TEX14: variants seen among roughly 807,000 people sequenced by gnomAD.
TEX14 encodes the protein testis expressed 14, intercellular bridge forming factor, also known as inactive serine/threonine-protein kinase TEX14.
Under a neutral mutation model 178.6 loss-of-function variants are expected in TEX14, and 168 were observed. That is an observed-to-expected ratio of 0.94 (90% CI 0.83 to 1.07). The LOEUF is 1.07. Ranked by LOEUF, TEX14 falls within the 50% of genes least tolerant of loss-of-function variation. TEX14 has a pLI of 0.00. For missense variants in TEX14, 1,730 were observed against 1,753.6 expected (o/e 0.99, Z 0.24); for synonymous variants, 626 against 634.1 (o/e 0.99, Z 0.19).
intron 1 of TEX14, among the ~76,000 whole-genome samples, chr17:58,655,262 C>T (rs1258909050): frequency 6.6e-6 from 1 of 152,058 alleles, no homozygotes; most frequent in Admixed American, 6.6e-5. Context: ...CAGCTCACCA[C>T]AACCTCCGCC....
chr17:58,659,419 A>G (rs779761251), intron 1 of TEX14: 2 of 640,180 alleles, frequency 3.1e-6, no homozygotes, highest in Non-Finnish European at 3.9e-6. Flanking sequence ...GCTTCTTCGT[A>G]TGACACATCT....
rs147441286 is a variant in TEX14 at position 58,631,780 on chromosome 17, T to G, written c.137-1226A>C. ...CTCGCGGTTTCCAGCGTTCTACACGTTCAGATATACTCCTCGAGAAACACA... is the reference window on the plus strand; with the variant it reads ...CTCGCGGTTTCCAGCGTTCTACACGGTCAGATATACTCCTCGAGAAACACA... On this transcript the variant is annotated intron_variant, in intron 2 of 31. Coordinates refer to ENST00000349033, the MANE Select transcript of TEX14 (RefSeq NM_031272.5). 7 of 152,242 alleles carry G rather than the reference T, an allele frequency of 4.6e-5. No homozygotes were observed. In the East Asian group the frequency reaches 5.8e-4, roughly 13 times the overall value. The allele number at this position is 152,242 out of a possible 1,614,324, so 9.4% of individuals were successfully genotyped here.
chr17:58,587,956 G>A lies in TEX14; in HGVS notation c.2642C>T (p.Thr881Ile), dbSNP rs1278032093. 2 of 1,612,020 alleles carry A rather than the reference G, an allele frequency of 1.2e-6. No individual in the cohort carries two copies. Among genetic ancestry groups the A allele is most frequent in the Non-Finnish European group, 1.7e-6 (2 of 1,178,198 alleles). ...KATQFNSALFTLSSHRQGPSA... is the reference protein window; with the variant it reads ...KATQFNSALFILSSHRQGPSA... Reference sequence around the variant, plus strand: ...AGGTCCCTGCCGGTGGCTTGACAGAGTGAAGAGTGCACTATTAAACTGTGT... The same window carrying A: ...AGGTCCCTGCCGGTGGCTTGACAGAATGAAGAGTGCACTATTAAACTGTGT... The change falls in exon 16 of 32, where the codon ACT (threonine) becomes ATT (isoleucine). Residue 881 changes from threonine to isoleucine, a missense_variant. Coordinates refer to ENST00000349033, the MANE Select transcript of TEX14 (RefSeq NM_031272.5).
intron 19 of TEX14, among the ~76,000 whole-genome samples, chr17:58,582,571 T>A (rs2044848884): frequency 6.6e-6 from 1 of 151,430 alleles, no homozygotes; most frequent in African/African-American, 2.4e-5. Context: ...AATTTCTTTT[T>A]TTTTTTTTTT....
At chr17:58,637,095 TG>T in intron 2 of TEX14, among the ~76,000 whole-genome samples, 1 of 150,640 alleles carries the variant, frequency 6.6e-6, no homozygotes, top group African/African-American at 2.4e-5. Flanking sequence ...GGCATGATGG[TG>T]GGCGCCTGTA....
intron 19 of TEX14, among the ~76,000 whole-genome samples, chr17:58,583,181 G>A (rs1275122183): frequency 1.3e-5 from 2 of 151,842 alleles, no homozygotes; most frequent in South Asian, 2.1e-4. Context: ...CCCCCAGGCT[G>A]GAGTGCAGTG....
intron 1 of TEX14, among the ~76,000 whole-genome samples, chr17:58,678,659 C>T (rs1231473185): frequency 6.6e-6 from 1 of 151,862 alleles, no homozygotes; most frequent in East Asian, 1.9e-4. Context: ...GAACATCATA[C>T]ACCAGGGTCT....
At chr17:58,630,377 C>T in intron 3 of TEX14, 63 bp downstream of exon 3, 1 of 1,294,710 alleles carries the variant, frequency 7.7e-7, no homozygotes, top group Non-Finnish European at 1.1e-6. Flanking sequence ...TAATTAGTTT[C>T]TAAACAAACT....
chr17:58,610,175 T>A (rs302846), intron 10 of TEX14, among the ~76,000 whole-genome samples: 45,279 of 152,158 alleles, frequency 0.3, 7,220 homozygotes, highest in Middle Eastern at 0.48. Context: ...TGACTGCCTC[T>A]CTCACTGTGC....
At chr17:58,654,055 G>C (rs941860671) in intron 1 of TEX14, among the ~76,000 whole-genome samples, 17 of 152,168 alleles carry the variant, frequency 1.1e-4, no homozygotes, top group African/African-American at 4.1e-4. Flanking sequence ...GCGGGCGCCT[G>C]TAGTCCCAGC....
intron 14 of TEX14, among the ~76,000 whole-genome samples, chr17:58,594,268 T>TC (rs2045227511): frequency 6.6e-6 from 1 of 151,760 alleles, no homozygotes; most frequent in African/African-American, 2.4e-5. Flanking sequence ...CCTATATGAA[T>TC]ATGAAGACAG....
chr17:58,671,218 T>C (rs534261914), intron 1 of TEX14, among the ~76,000 whole-genome samples: 26 of 152,334 alleles, frequency 1.7e-4, no homozygotes, highest in South Asian at 1.0e-3. Context: ...ATTATTGTAG[T>C]TTCATTTTGA....
chr17:58,661,576 G>A, intron 1 of TEX14: 1 of 734,704 alleles, frequency 1.4e-6, no homozygotes, highest in Non-Finnish European at 2.5e-6. Context: ...GCGGCGGCAG[G>A]AACTCGTCTT....
chr17:58,576,745 C>T (rs1333443540), intron 21 of TEX14, among the ~76,000 whole-genome samples: 1 of 152,132 alleles, frequency 6.6e-6, no homozygotes, highest in Non-Finnish European at 1.5e-5. Context: ...TTTGTCATTT[C>T]AAGAATGTTA....
chr17:58,556,830 G>A lies in TEX14; in HGVS notation c.*181C>T. 1 of 521,692 alleles carries A rather than the reference G, an allele frequency of 1.9e-6. No homozygotes were observed. Among genetic ancestry groups the A allele is most frequent in the Non-Finnish European group, 3.4e-6 (1 of 289,922 alleles). The allele number at this position is 521,692 out of a possible 1,614,324, so 32.3% of individuals were successfully genotyped here. On this transcript the variant is annotated 3_prime_UTR_variant, in exon 32 of 32. Coordinates refer to ENST00000349033, the MANE Select transcript of TEX14 (RefSeq NM_031272.5). The stretch of plus-strand genomic sequence containing the variant: ...TCAGAAATCTGACTGAAAACAAATG[G>A]TTGAATGTGCTGCTAACAGAGAGGG...
In TEX14 at chr17:58,601,894, G is replaced by T. The variant is rs1567728730; in HGVS notation, c.1590C>A (p.Leu530=). The T allele has an allele frequency of 3.1e-6, 5 of 1,613,454 alleles. No individual in the cohort carries two copies. The East Asian group carries it at 1.1e-4, about 36-fold the overall frequency. The stretch of plus-strand genomic sequence containing the variant: ...CTAGATAGACATTGACATCGGGATG[G>T]AGTCCGTATCTCTGCACTCTGGGGC... The part of the protein sequence containing the change: ...TESPRVQRYG[L]HPDVNVYLGL... The change falls in exon 13 of 32, where the codon CTC becomes CTA. Residue 530 remains leucine (L), a synonymous_variant. Transcript: ENST00000349033.
In TEX14 at chr17:58,588,018, C is replaced by T. The variant is rs939672804; in HGVS notation, c.2580G>A (p.Gln860=). The T allele has an allele frequency of 3.6e-6, 4 of 1,109,242 alleles. No individual in the cohort carries two copies. The highest frequency in any genetic ancestry group is 5.6e-6 in the Non-Finnish European group (4 of 719,588). 68.7% of individuals were successfully genotyped at this position (1,109,242 alleles called of 1,614,324 possible). Residue 860 remains glutamine (Q), a synonymous_variant, in exon 16 of 32, where the codon CAG becomes CAA. Coordinates refer to ENST00000349033, the MANE Select transcript of TEX14 (RefSeq NM_031272.5). ...GGGCAGTGGACTCTCTAGGTCTTCC[C>T]TGGCTAAGAAATGAAAGGACTGAGC... ...ETSRIQNTSS[Q]GRPRESTAQA... is the part of the protein sequence containing the mutation.
chr17:58,651,355 G>C (rs1003034410), intron 2 of TEX14, among the ~76,000 whole-genome samples: 7 of 152,144 alleles, frequency 4.6e-5, no homozygotes, highest in Non-Finnish European at 1.0e-4. Flanking sequence ...TGGTTCTTTG[G>C]TTTGTTTTCT....
intron 16 of TEX14, 53 bp downstream of exon 16, chr17:58,587,843 A>AACC: frequency 8.9e-7 from 1 of 1,118,856 alleles, no homozygotes; most frequent in Non-Finnish European, 1.4e-6. Flanking sequence ...GGGTGCCAGA[A>AACC]CCCACCCCCA....
Sources: gnomAD v4.1 joint callset for allele counts (sites outside exome capture counted in the v4.1 genomes callset) on GRCh38, gnomAD v4.1.1 for gene constraint, MANE v1.5 for transcripts, NCBI Gene and HGNC (gene_info 2026-07-23, HGNC 2026-07-21) for gene names.